EMILIN2: variants seen among roughly 807,000 people sequenced by gnomAD.
The protein encoded by EMILIN2 is EMILIN-2.
In EMILIN2, 71 loss-of-function variants were observed where a neutral mutation model predicts 87.1. The observed-to-expected ratio is 0.82, with a 90% CI of 0.67 to 0.99. The LOEUF is 0.99. Ranked by LOEUF, EMILIN2 falls within the 50% of genes least tolerant of loss-of-function variation. The probability of loss-of-function intolerance (pLI) is 0.00; values close to 1 mark genes in which losing one functional copy is unlikely to be tolerated. For synonymous variants in EMILIN2, 581 were observed against 563.4 expected, an observed-to-expected ratio of 1.03 and a Z score of -0.44; for missense variants, 1,407 against 1,371.8, an observed-to-expected ratio of 1.03 and a Z score of -0.40.
At position 2,906,776 on chromosome 18, in the gene EMILIN2, C is replaced by T; in HGVS notation, c.2360-7C>T. On this transcript the variant is annotated splice_polypyrimidine_tract_variant and splice_region_variant and intron_variant, in intron 4 of 7. Transcript: ENST00000254528. ...CCGTGTGTTTCTTTCTCCCCGACGC[C>T]CGGCAGAGGCGCCCTCGCCCCCGCC... 1 of 1,259,382 alleles carries T rather than the reference C, an allele frequency of 7.9e-7. No homozygotes were observed. The highest frequency in any genetic ancestry group is 9.9e-7 in the Non-Finnish European group (1 of 1,006,166). 78.0% of individuals were successfully genotyped at this position (1,259,382 alleles called of 1,614,324 possible).
At position 2,909,797 on chromosome 18, in the gene EMILIN2, G is replaced by A. The variant is rs1366523194; in HGVS notation, c.2802G>A (p.Gly934=). ...VLFNKVLVND[G]DVYNPSTGVF... is the part of the protein sequence containing the mutation. ...TTAACAAAGTGCTGGTGAACGACGGGGATGTTTACAACCCCAGCACCGGTG... is the reference window on the plus strand; with the variant it reads ...TTAACAAAGTGCTGGTGAACGACGGAGATGTTTACAACCCCAGCACCGGTG... The change falls in exon 7 of 8, where the codon GGG becomes GGA. Residue 934 remains glycine, a synonymous_variant. Coordinates refer to ENST00000254528, the MANE Select transcript of EMILIN2 (RefSeq NM_032048.3). 1.2e-6 allele frequency: 2 copies of A among 1,613,570 alleles called. No homozygotes were observed. The highest frequency in any genetic ancestry group is 2.2e-5 in the South Asian group (2 of 91,018).
rs2076774271 is a variant in EMILIN2 at position 2,880,959 on chromosome 18, C to G, written c.258-4005C>G. On this transcript the variant is annotated intron_variant, in intron 2 of 7. Transcript: ENST00000254528. This position sits in a 1 kb window ranked among gnomAD's most constrained non-coding sequence, Gnocchi z 4.1. ...AAATTCCTTGGCATTTTCTAAAGCT[C>G]ACTAGCTATTTTCCTGCAGTGCCTT... Among the ~76,000 whole-genome samples, 2 of 152,196 alleles carry G rather than the reference C, an allele frequency of 1.3e-5. No homozygotes were observed. The highest frequency in any genetic ancestry group is 4.8e-5 in the African/African-American group (2 of 41,460).
chr18:2,915,249 A>G lies in EMILIN2; in HGVS notation c.*1845A>G, dbSNP rs978510037. The G allele has an allele frequency of 1.3e-5, 2 of 152,292 alleles. No individual in the cohort carries two copies. The highest frequency in any genetic ancestry group is 4.8e-5 in the African/African-American group (2 of 41,466). The allele number at this position is 152,292 out of a possible 1,614,324, so 9.4% of individuals were successfully genotyped here. A position where few individuals can be genotyped will look rare whatever the true frequency, so the allele number is the denominator to read the frequency against. On this transcript the variant is annotated 3_prime_UTR_variant, in exon 8 of 8. Coordinates refer to ENST00000254528, the MANE Select transcript of EMILIN2 (RefSeq NM_032048.3). ...GGTGAATCTCAGCTCTGTGTATTCA[A>G]GACAGGCAAAACAGAATATGCCTCA...
chr18:2,861,882 A>G (rs887682916), intron 2 of EMILIN2, among the ~76,000 whole-genome samples: 1 of 152,216 alleles, frequency 6.6e-6, no homozygotes, highest in Admixed American at 6.5e-5. Context: ...GTGTTCTTCC[A>G]TTTGTTTGTA....
At chr18:2,881,581 G>T (rs566744534) in intron 2 of EMILIN2, among the ~76,000 whole-genome samples, 2 of 152,364 alleles carry the variant, frequency 1.3e-5, no homozygotes, top group African/African-American at 4.8e-5. Flanking sequence ...CTGGGCTGGA[G>T]TGGGGGCCGT....
chr18:2,868,582 T>C (rs928099587), intron 2 of EMILIN2, among the ~76,000 whole-genome samples: 12 of 152,200 alleles, frequency 7.9e-5, no homozygotes, highest in Non-Finnish European at 1.6e-4. Flanking sequence ...TCACTCGCGG[T>C]TAGGAGCTGG....
At chr18:2,878,729 A>G (rs561677484) in intron 2 of EMILIN2, among the ~76,000 whole-genome samples, 20 of 152,196 alleles carry the variant, frequency 1.3e-4, no homozygotes, top group African/African-American at 3.4e-4. Context: ...ACTTCCTACC[A>G]TCCCTGGGGA....
At chr18:2,908,103 G>T (rs1299947098) in intron 5 of EMILIN2, among the ~76,000 whole-genome samples, 1 of 152,202 alleles carries the variant, frequency 6.6e-6, no homozygotes, top group Non-Finnish European at 1.5e-5. Flanking sequence ...CTGAGCTGCG[G>T]TGATCACAGC....
At chr18:2,856,488 A>G (rs189688727) in intron 2 of EMILIN2, among the ~76,000 whole-genome samples, 67 of 152,292 alleles carry the variant, frequency 4.4e-4, no homozygotes, top group Non-Finnish European at 8.4e-4. Context: ...ACCGCCCCTA[A>G]TGTGTTCCTT....
rs2076958804 is a variant in EMILIN2, at chr18:2,914,893, C to T, written c.*1489C>T. 6.6e-6 allele frequency: 1 copy of T among 152,214 alleles called. No homozygotes were observed. Among genetic ancestry groups the T allele is most frequent in the Non-Finnish European group, 1.5e-5 (1 of 68,046 alleles). The allele number at this position is 152,214 out of a possible 1,614,324, so 9.4% of individuals were successfully genotyped here. A position where few individuals can be genotyped will look rare whatever the true frequency, so the allele number is the denominator to read the frequency against. On this transcript the variant is annotated 3_prime_UTR_variant, in exon 8 of 8. Coordinates refer to ENST00000254528, the MANE Select transcript of EMILIN2 (RefSeq NM_032048.3). ...AGGAGCGGGAGGGAGAATGGCATCT[C>T]ACCCCATTACAACAGCTGGGGAACT...
chr18:2,857,780 G>T (rs915899006), intron 2 of EMILIN2, among the ~76,000 whole-genome samples: 2 of 152,188 alleles, frequency 1.3e-5, no homozygotes, highest in African/African-American at 4.8e-5. Flanking sequence ...GCTCTGGCCT[G>T]GTTTATGTCA....
At chr18:2,889,713 TTA>T (rs1491317891) in intron 3 of EMILIN2, among the ~76,000 whole-genome samples, 1 of 147,242 alleles carries the variant, frequency 6.8e-6, no homozygotes, top group African/African-American at 2.6e-5. Flanking sequence ...TTTTTTTTTT[TTA>T]AAGATACAGG....
chr18:2,847,044 C>G lies in EMILIN2; in HGVS notation c.-145C>G. 9.4e-7 allele frequency: 1 copy of G among 1,058,360 alleles called. No individual in the cohort carries two copies. Among genetic ancestry groups the G allele is most frequent in the Non-Finnish European group, 1.1e-6 (1 of 871,670 alleles). 65.6% of individuals were successfully genotyped at this position (1,058,360 alleles called of 1,614,324 possible). A position where few individuals can be genotyped will look rare whatever the true frequency, so the allele number is the denominator to read the frequency against. On this transcript the variant is annotated 5_prime_UTR_variant, in exon 1 of 8. Coordinates refer to ENST00000254528, the MANE Select transcript of EMILIN2 (RefSeq NM_032048.3). The surrounding 1 kb of genome is among the most constrained non-coding windows in gnomAD (Gnocchi z 4.5). ...GGAACGAGAAGCCGGAGGGGGCGGCCGCGGAGCACTGGTTGGAGCGCCGCG... is the reference window on the plus strand; with the variant it reads ...GGAACGAGAAGCCGGAGGGGGCGGCGGCGGAGCACTGGTTGGAGCGCCGCG...
At position 2,914,612 on chromosome 18, in the gene EMILIN2, T is replaced by C. The variant is rs1158011712; in HGVS notation, c.*1208T>C. The C allele has an allele frequency of 6.6e-6, 1 of 152,108 alleles. No individual in the cohort carries two copies. Among genetic ancestry groups the C allele is most frequent in the African/African-American group, 2.4e-5 (1 of 41,406 alleles). 9.4% of individuals were successfully genotyped at this position (152,108 alleles called of 1,614,324 possible). A position where few individuals can be genotyped will look rare whatever the true frequency, so the allele number is the denominator to read the frequency against. ...TTCAAGGTAGTCTCTGTGGATCAGG[T>C]TGGTAACACCTACTGGTTAATCAAG... On this transcript the variant is annotated 3_prime_UTR_variant, in exon 8 of 8. Coordinates refer to ENST00000254528, the MANE Select transcript of EMILIN2 (RefSeq NM_032048.3).
At chr18:2,852,779 A>G (rs1043805191) in intron 2 of EMILIN2, among the ~76,000 whole-genome samples, 2 of 152,198 alleles carry the variant, frequency 1.3e-5, no homozygotes, top group Admixed American at 6.5e-5. Context: ...TCGGCCTCCC[A>G]AAGTGCTGGG....
chr18:2,893,863 G>A (rs1243980304), intron 4 of EMILIN2, among the ~76,000 whole-genome samples: 3 of 152,110 alleles, frequency 2.0e-5, no homozygotes, highest in Non-Finnish European at 2.9e-5. Context: ...GCCAGGCTGC[G>A]TCCAAGAATT....
At chr18:2,903,641 C>T (rs747477169) in intron 4 of EMILIN2, among the ~76,000 whole-genome samples, 8 of 152,136 alleles carry the variant, frequency 5.3e-5, no homozygotes, top group Non-Finnish European at 1.0e-4. Flanking sequence ...TGTTGCTTTC[C>T]TTTTTACTTT....
chr18:2,900,243 A>C (rs896040582), intron 4 of EMILIN2, among the ~76,000 whole-genome samples: 1 of 152,130 alleles, frequency 6.6e-6, no homozygotes, highest in Admixed American at 6.5e-5. Context: ...GCTGGAGTAC[A>C]GTGGTGTGAT....
chr18:2,871,016 C>G (rs969105665), intron 2 of EMILIN2, among the ~76,000 whole-genome samples: 27 of 152,158 alleles, frequency 1.8e-4, no homozygotes, highest in African/African-American at 6.0e-4. Context: ...TGGATCAGTA[C>G]CCACTCTAAT....
Sources: gnomAD v4.1 joint callset for allele counts (sites outside exome capture counted in the v4.1 genomes callset) on GRCh38, gnomAD v4.1.1 for gene constraint, Gnocchi (gnomAD v3.1) non-coding constraint, MANE v1.5 for transcripts, NCBI Gene and HGNC (gene_info 2026-07-23, HGNC 2026-07-21) for gene names.